Variants in RBM6 observed in about 807,000 individuals in gnomAD.
RBM6 encodes the protein RNA binding motif protein 6.
RBM6 carries 23 observed loss-of-function variants against 140.4 expected under a neutral mutation model. That is an observed-to-expected ratio of 0.16 (90% CI 0.12 to 0.23). The LOEUF is 0.23. Ranked by LOEUF, RBM6 falls within the 10% of genes least tolerant of loss-of-function variation. RBM6 has a pLI of 1.00. For missense variants in RBM6, 1,139 were observed against 1,386.7 expected (o/e 0.82, Z 2.84); for synonymous variants, 439 against 475.6 (o/e 0.92, Z 1.00).
chr3:50,054,721 G>C (rs1202023963), intron 8 of RBM6, among the ~76,000 whole-genome samples: 1 of 151,986 alleles, frequency 6.6e-6, no homozygotes, highest in East Asian at 1.9e-4. Context: ...TCACCATGTT[G>C]GTCAGGCTGG....
chr3:49,961,873 C>A (rs1460757560), intron 1 of RBM6, among the ~76,000 whole-genome samples: 1 of 149,728 alleles, frequency 6.7e-6, no homozygotes, highest in East Asian at 2.0e-4. Flanking sequence ...AAGTGACTTC[C>A]AGCTGGATGC....
chr3:49,940,260 AGCCTGCCAGG>A (rs2083225950), intron 1 of RBM6, 35 bp downstream of exon 1: 1 of 152,388 alleles, frequency 6.6e-6, no homozygotes, highest in African/African-American at 2.4e-5. Context: ...GGCGTGCCAG[AGCCTGCCAGG>A]GAATAGCCAG....
At chr3:50,030,942 A>G (rs1202058844) in intron 6 of RBM6, among the ~76,000 whole-genome samples, 2 of 152,144 alleles carry the variant, frequency 1.3e-5, no homozygotes, top group Non-Finnish European at 2.9e-5. Flanking sequence ...GGAAGGTGGG[A>G]ATGGTAAAGG....
chr3:50,048,102 C>T (rs1156748922), intron 6 of RBM6, 143 bp from the exon 7 acceptor site: 4 of 1,443,616 alleles, frequency 2.8e-6, no homozygotes, highest in African/African-American at 2.9e-5. Context: ...TGGCTTAAAA[C>T]AGCCATTTCC....
At chr3:50,041,635 G>C (rs924828751) in intron 6 of RBM6, among the ~76,000 whole-genome samples, 1 of 152,134 alleles carries the variant, frequency 6.6e-6, no homozygotes, top group Non-Finnish European at 1.5e-5. Context: ...CTGCAGGTCC[G>C]TTTGACATGG....
At chr3:49,962,487 G>T in intron 1 of RBM6, 89 bp from the exon 2 acceptor site, 1 of 642,990 alleles carries the variant, frequency 1.6e-6, no homozygotes. Context: ...TGCTGCTGAT[G>T]TGGTCCCTCA....
intron 1 of RBM6, among the ~76,000 whole-genome samples, chr3:49,958,176 G>A (rs901659817): frequency 2.0e-5 from 3 of 151,734 alleles, no homozygotes; most frequent in East Asian, 1.9e-4. Flanking sequence ...CTGTAATCCC[G>A]ACACTTTGGG....
chr3:49,957,399 GC>G (rs951567525), intron 1 of RBM6, among the ~76,000 whole-genome samples: 1 of 151,026 alleles, frequency 6.6e-6, no homozygotes, highest in African/African-American at 2.4e-5. Context: ...TCCTGCCTCA[GC>G]CTCCCAGTGC....
At chr3:50,004,513 A>G (rs1349186115) in intron 6 of RBM6, among the ~76,000 whole-genome samples, 1 of 149,192 alleles carries the variant, frequency 6.7e-6, no homozygotes, top group African/African-American at 2.5e-5. Flanking sequence ...GGGTTTTGCA[A>G]CATTCCCCAG....
intron 1 of RBM6, among the ~76,000 whole-genome samples, chr3:49,955,930 A>C (rs1002817202): frequency 6.6e-6 from 1 of 151,288 alleles, no homozygotes; most frequent in African/African-American, 2.4e-5. Flanking sequence ...AGAGAGTTTA[A>C]AGTATTTACA....
intron 6 of RBM6, among the ~76,000 whole-genome samples, chr3:50,025,469 T>C (rs1027938062): frequency 2.0e-5 from 3 of 151,174 alleles, no homozygotes; most frequent in Non-Finnish European, 4.4e-5. Flanking sequence ...TCTTGGCGAA[T>C]AGGTAGATGC....
intron 6 of RBM6, among the ~76,000 whole-genome samples, chr3:50,038,569 C>T (rs968326379): frequency 6.6e-6 from 1 of 152,086 alleles, no homozygotes; most frequent in Admixed American, 6.6e-5. Context: ...CAGGGGCTCA[C>T]GCCTGTAATC....
intron 6 of RBM6, among the ~76,000 whole-genome samples, chr3:50,003,236 A>G (rs2086422811): frequency 6.6e-6 from 1 of 151,552 alleles, no homozygotes; most frequent in Non-Finnish European, 1.5e-5. Context: ...TTGGGAGACC[A>G]AGGCTGGAGG....
intron 6 of RBM6, among the ~76,000 whole-genome samples, chr3:50,012,494 A>T (rs1259183011): frequency 6.6e-6 from 1 of 151,576 alleles, no homozygotes; most frequent in Non-Finnish European, 1.5e-5. Context: ...AGTAGCTGGG[A>T]CTACAGGTGC....
At chr3:49,943,518 A>G (rs548323835) in intron 1 of RBM6, among the ~76,000 whole-genome samples, 1 of 152,254 alleles carries the variant, frequency 6.6e-6, no homozygotes, top group African/African-American at 2.4e-5. Flanking sequence ...CTTGTTGTCT[A>G]GGGTGGTCTC....
chr3:50,020,300 T>A (rs146243973), intron 6 of RBM6, among the ~76,000 whole-genome samples: 31 of 152,314 alleles, frequency 2.0e-4, no homozygotes, highest in Admixed American at 4.6e-4. Flanking sequence ...ATTTTATTGA[T>A]CTTTTCAAAG....
intron 6 of RBM6, among the ~76,000 whole-genome samples, chr3:50,039,081 T>G (rs1210370237): frequency 1.5e-5 from 2 of 131,514 alleles, no homozygotes. Flanking sequence ...GCTATGTGAT[T>G]GGAATCAACT....
chr3:50,006,824 T>G (rs981192899), intron 6 of RBM6, among the ~76,000 whole-genome samples: 1 of 151,652 alleles, frequency 6.6e-6, no homozygotes, highest in Non-Finnish European at 1.5e-5. Context: ...TCCCAGCTAC[T>G]TGGGAGGCTG....
intron 5 of RBM6, among the ~76,000 whole-genome samples, chr3:49,982,262 C>CTTTTCTTTT (rs2085338846): frequency 1.5e-5 from 1 of 68,426 alleles, no homozygotes; most frequent in African/African-American, 6.0e-5. Context: ...CTTTTCTTTT[C>CTTTTCTTTT]TTTTTTTTTT....
Sources: allele counts gnomAD v4.1 joint callset (sites outside exome capture counted in the v4.1 genomes callset), GRCh38; gene constraint gnomAD v4.1.1; transcripts MANE v1.5; gene names NCBI Gene and HGNC (gene_info 2026-07-23, HGNC 2026-07-21).